SCHIP1: variants seen among roughly 807,000 people sequenced by gnomAD.
The protein encoded by SCHIP1 is schwannomin interacting protein 1.
A neutral mutation model predicts 29.7 loss-of-function variants in SCHIP1; 8 were observed. That is an observed-to-expected ratio of 0.27 (90% CI 0.16 to 0.49). The LOEUF is 0.49. SCHIP1 is among the 20% of genes least tolerant of loss of function. The probability of loss-of-function intolerance (pLI) is 0.99; values close to 1 mark genes in which losing one functional copy is unlikely to be tolerated. For synonymous variants in SCHIP1, 76 were observed against 94.9 expected (o/e 0.80, Z 1.16); for missense variants, 193 against 294.6 (o/e 0.66, Z 2.52).
At chr3:159,818,438 A>G in the SCHIP1 span, among the ~76,000 whole-genome samples, 1 of 152,242 alleles carries the variant, frequency 6.6e-6, no homozygotes, top group Non-Finnish European at 1.5e-5. Flanking sequence ...CTCCCCTCTG[A>G]GGATTTACTA....
upstream of SCHIP1, among the ~76,000 whole-genome samples, chr3:159,835,352 C>T (rs972190075): frequency 2.0e-5 from 3 of 152,154 alleles, no homozygotes; most frequent in Admixed American, 1.3e-4. Flanking sequence ...GCATATGAAA[C>T]TTTCTGGCAT....
chr3:159,463,009 A>G, the SCHIP1 span, among the ~76,000 whole-genome samples: 1 of 152,080 alleles, frequency 6.6e-6, no homozygotes, highest in Admixed American at 6.6e-5. Context: ...GTACATATAT[A>G]TACATTGTAT....
At chr3:159,485,834 A>G in the SCHIP1 span, among the ~76,000 whole-genome samples, 3 of 152,194 alleles carry the variant, frequency 2.0e-5, no homozygotes, top group African/African-American at 4.8e-5. Context: ...CTTGTCCATA[A>G]CACACTATGT....
At chr3:159,401,307 G>T in the SCHIP1 span, 11 of 927,622 alleles carry the variant, frequency 1.2e-5, no homozygotes, top group Non-Finnish European at 1.4e-5. Context: ...GTGCAAATTT[G>T]AAAATATACA....
the SCHIP1 span, among the ~76,000 whole-genome samples, chr3:159,806,726 G>A: frequency 6.6e-6 from 1 of 152,244 alleles, no homozygotes; most frequent in Non-Finnish European, 1.5e-5. Context: ...GAGAAGCTGC[G>A]GGGCTTCCTG....
intron 1 of SCHIP1, among the ~76,000 whole-genome samples, chr3:159,845,176 C>T (rs1485729361): frequency 6.6e-6 from 1 of 152,202 alleles, no homozygotes; most frequent in Non-Finnish European, 1.5e-5. Flanking sequence ...GCTGAGATGT[C>T]TCCTACCCAC....
chr3:159,602,017 G>A, the SCHIP1 span, among the ~76,000 whole-genome samples: 2 of 152,188 alleles, frequency 1.3e-5, no homozygotes, highest in African/African-American at 4.8e-5. Flanking sequence ...CAAGTTCCTT[G>A]TCTGGTTCAA....
the SCHIP1 span, among the ~76,000 whole-genome samples, chr3:159,777,409 T>A: frequency 1.3e-5 from 2 of 152,010 alleles, no homozygotes; most frequent in Non-Finnish European, 2.9e-5. Context: ...GCTTTTTTTT[T>A]CTCCTTTCAA....
the SCHIP1 span, among the ~76,000 whole-genome samples, chr3:159,688,201 AC>A: frequency 2.6e-5 from 4 of 152,176 alleles, no homozygotes; most frequent in Admixed American, 6.5e-5. Context: ...GGCTGAACTA[AC>A]TTATACTCCC....
the SCHIP1 span, among the ~76,000 whole-genome samples, chr3:159,287,112 C>A: frequency 6.6e-6 from 1 of 152,048 alleles, no homozygotes; most frequent in Non-Finnish European, 1.5e-5. Flanking sequence ...GTTGGAATTG[C>A]TCTTGGCATC....
chr3:159,397,149 C>A, the SCHIP1 span, among the ~76,000 whole-genome samples: 1 of 151,552 alleles, frequency 6.6e-6, no homozygotes, highest in Non-Finnish European at 1.5e-5. Context: ...ACGTAGTTCT[C>A]GAGCCTTGGT....
At chr3:159,412,009 A>G in the SCHIP1 span, among the ~76,000 whole-genome samples, 1 of 152,196 alleles carries the variant, frequency 6.6e-6, no homozygotes, top group African/African-American at 2.4e-5. Flanking sequence ...ACTAAAGGTA[A>G]CAATTCTGAA....
chr3:159,853,965 TG>T (rs5853880), intron 1 of SCHIP1, among the ~76,000 whole-genome samples: 11,241 of 152,266 alleles, frequency 0.074, 473 homozygotes, highest in South Asian at 0.2. Context: ...ATTTTGAGAA[TG>T]TTTTATATGG....
chr3:159,286,263 C>T, the SCHIP1 span, among the ~76,000 whole-genome samples: 1 of 151,998 alleles, frequency 6.6e-6, no homozygotes, highest in Non-Finnish European at 1.5e-5. Flanking sequence ...TCTGTTGTTC[C>T]TTTCTTTGTG....
At chr3:159,293,556 AT>A in the SCHIP1 span, among the ~76,000 whole-genome samples, 1 of 152,320 alleles carries the variant, frequency 6.6e-6, no homozygotes, top group Non-Finnish European at 1.5e-5. Flanking sequence ...CTACACTGCA[AT>A]TCTGATAGGT....
the SCHIP1 span, chr3:159,764,248 G>A: frequency 7.1e-6 from 4 of 559,782 alleles, no homozygotes; most frequent in Non-Finnish European, 1.2e-5. This position sits in a 1 kb window ranked among gnomAD's most constrained non-coding sequence, Gnocchi z 6.1. Context: ...AGGAAGTCTG[G>A]TTGTGCGAGA....
At chr3:159,333,514 T>TACACAC in the SCHIP1 span, among the ~76,000 whole-genome samples, 32,205 of 151,270 alleles carry the variant, frequency 0.21, 3,485 homozygotes, top group Middle Eastern at 0.29. Flanking sequence ...TACACAAACA[T>TACACAC]ACACACACAC....
intron 2 of SCHIP1, among the ~76,000 whole-genome samples, chr3:159,883,606 T>G (rs1716664084): frequency 6.6e-6 from 1 of 152,154 alleles, no homozygotes; most frequent in Non-Finnish European, 1.5e-5. Flanking sequence ...AAATCCTTCT[T>G]GAAACCTGAG....
At chr3:159,727,595 G>A in the SCHIP1 span, among the ~76,000 whole-genome samples, 1 of 152,150 alleles carries the variant, frequency 6.6e-6, no homozygotes, top group Admixed American at 6.5e-5. Flanking sequence ...AGCAATAAAG[G>A]CCTTGGAGGA....
Sources: allele counts gnomAD v4.1 joint callset (sites outside exome capture counted in the v4.1 genomes callset), GRCh38; gene constraint gnomAD v4.1.1; non-coding constraint Gnocchi (gnomAD v3.1); transcripts MANE v1.5; gene names NCBI Gene and HGNC (gene_info 2026-07-23, HGNC 2026-07-21).